The following PAPPA2 variants were observed in gnomAD, a reference collection of about 807,000 sequenced individuals.
PAPPA2 encodes pappalysin 2.
A neutral mutation model predicts 176.4 loss-of-function variants in PAPPA2; 86 were observed. The ratio of observed to expected loss-of-function variants is 0.49; its 90% confidence interval spans 0.41 to 0.58. PAPPA2 has a LOEUF of 0.58. PAPPA2 is among the 20% of genes least tolerant of loss of function. The probability of loss-of-function intolerance (pLI) is 0.00; values close to 1 mark genes in which losing one functional copy is unlikely to be tolerated. For missense variants in PAPPA2, 2,073 were observed against 2,256.9 expected (o/e 0.92, Z 1.65); for synonymous variants, 809 against 852.2 (o/e 0.95, Z 0.88).
At chr1:176,525,377 G>GTGTGATACATTAGGATATAA (rs1230137201) in intron 1 of PAPPA2, among the ~76,000 whole-genome samples, 1 of 152,150 alleles carries the variant, frequency 6.6e-6, no homozygotes, top group Admixed American at 6.5e-5. Context: ...ACTTCAGAAG[G>GTGTGATACATTAGGATATAA]TGTGATACAT....
intron 14 of PAPPA2, 127 bp downstream of exon 14, chr1:176,740,323 T>A: frequency 1.1e-6 from 1 of 947,714 alleles, no homozygotes; most frequent in Non-Finnish European, 1.5e-6. Flanking sequence ...TAGGAACTAC[T>A]AAAAAGACAT....
intron 14 of PAPPA2, among the ~76,000 whole-genome samples, chr1:176,751,125 A>G (rs1571270902): frequency 6.6e-6 from 1 of 151,700 alleles, no homozygotes; most frequent in Non-Finnish European, 1.5e-5. Context: ...TGTTTTTCTC[A>G]GGTTTGTCAA....
intron 21 of PAPPA2, among the ~76,000 whole-genome samples, chr1:176,810,188 CAGGAA>C (rs1666088120): frequency 6.6e-6 from 1 of 152,096 alleles, no homozygotes; most frequent in South Asian, 2.1e-4. Context: ...TTTAGGAAAA[CAGGAA>C]AGGGATTTTC....
chr1:176,575,838 A>G (rs962348865), intron 2 of PAPPA2, among the ~76,000 whole-genome samples: 5 of 152,232 alleles, frequency 3.3e-5, no homozygotes, highest in African/African-American at 1.2e-4. Context: ...ATCTGTACTT[A>G]GGAAATTAAC....
intron 1 of PAPPA2, among the ~76,000 whole-genome samples, chr1:176,466,857 G>T (rs1651645733): frequency 6.6e-6 from 1 of 152,128 alleles, no homozygotes; most frequent in Non-Finnish European, 1.5e-5. Context: ...AGAGCCAAGG[G>T]CAACTTCCCT....
At chr1:176,652,270 A>G (rs958391555) in intron 3 of PAPPA2, among the ~76,000 whole-genome samples, 3 of 151,654 alleles carry the variant, frequency 2.0e-5, no homozygotes, top group Admixed American at 6.6e-5. Flanking sequence ...ATTTACTTCA[A>G]TCTTCTCTTT....
At chr1:176,638,991 A>G (rs1206500955) in intron 3 of PAPPA2, among the ~76,000 whole-genome samples, 1 of 150,178 alleles carries the variant, frequency 6.7e-6, no homozygotes, top group Admixed American at 6.7e-5. Context: ...TAGGGGAGGC[A>G]AGTGGAGAAT....
At chr1:176,472,029 A>G (rs1169086061) in intron 1 of PAPPA2, among the ~76,000 whole-genome samples, 1 of 152,190 alleles carries the variant, frequency 6.6e-6, no homozygotes, top group African/African-American at 2.4e-5. Context: ...GCAGATATTG[A>G]TTGCTCAATG....
chr1:176,477,411 C>T (rs1386835248), intron 1 of PAPPA2, among the ~76,000 whole-genome samples: 2 of 152,176 alleles, frequency 1.3e-5, no homozygotes, highest in Non-Finnish European at 2.9e-5. Flanking sequence ...ACTCTAAATA[C>T]ATGTGATATA....
At chr1:176,575,118 G>C (rs1314917630) in intron 2 of PAPPA2, among the ~76,000 whole-genome samples, 1 of 152,172 alleles carries the variant, frequency 6.6e-6, no homozygotes, top group Non-Finnish European at 1.5e-5. Context: ...GGCCAAGGAA[G>C]CTTCCTTAGG....
At chr1:176,776,584 G>A (rs1283561073) in intron 17 of PAPPA2, among the ~76,000 whole-genome samples, 1 of 152,084 alleles carries the variant, frequency 6.6e-6, no homozygotes, top group Admixed American at 6.6e-5. Context: ...ACCTAAATTG[G>A]GGGAGAGCCT....
chr1:176,828,217 A>AT (rs1199877638), intron 21 of PAPPA2, among the ~76,000 whole-genome samples: 2 of 151,820 alleles, frequency 1.3e-5, no homozygotes, highest in Non-Finnish European at 2.9e-5. Flanking sequence ...GCCAGTTTTT[A>AT]TTTTTTTTCA....
chr1:176,790,524 T>G (rs1665128514), intron 18 of PAPPA2, among the ~76,000 whole-genome samples: 1 of 152,186 alleles, frequency 6.6e-6, no homozygotes, highest in Non-Finnish European at 1.5e-5. Flanking sequence ...GCAGACTTCC[T>G]AGGCAAAGGT....
chr1:176,569,682 G>A (rs1652204980), intron 2 of PAPPA2, among the ~76,000 whole-genome samples: 2 of 152,174 alleles, frequency 1.3e-5, no homozygotes, highest in African/African-American at 4.8e-5. Context: ...AGCTGTCTGG[G>A]GTCAGAGGCT....
At chr1:176,584,086 C>T (rs1653144981) in intron 2 of PAPPA2, among the ~76,000 whole-genome samples, 1 of 152,110 alleles carries the variant, frequency 6.6e-6, no homozygotes. Flanking sequence ...TAATGTTTTG[C>T]CAATACTGGA....
chr1:176,667,060 A>G (rs1367399245), intron 3 of PAPPA2, among the ~76,000 whole-genome samples: 1 of 152,142 alleles, frequency 6.6e-6, no homozygotes, highest in Non-Finnish European at 1.5e-5. Context: ...AGCCTGACCA[A>G]CATGGAGAAA....
At chr1:176,726,901 CCTT>C (rs1431284197) in intron 12 of PAPPA2, among the ~76,000 whole-genome samples, 2 of 152,152 alleles carry the variant, frequency 1.3e-5, no homozygotes, top group Admixed American at 6.5e-5. Context: ...TCAGCTGACT[CCTT>C]CTGTGGAGAA....
At chr1:176,749,319 A>T (rs1018068328) in intron 14 of PAPPA2, among the ~76,000 whole-genome samples, 2 of 152,160 alleles carry the variant, frequency 1.3e-5, no homozygotes, top group Non-Finnish European at 2.9e-5. Context: ...TTCACAGAAA[A>T]ATTGAAAGGA....
chr1:176,659,073 C>T (rs79774909), intron 3 of PAPPA2, among the ~76,000 whole-genome samples: 2 of 151,930 alleles, frequency 1.3e-5, no homozygotes, highest in Non-Finnish European at 2.9e-5. Context: ...ATTTTTATAG[C>T]ATGAATAAAA....
Sources: gnomAD v4.1 joint callset for allele counts (sites outside exome capture counted in the v4.1 genomes callset) on GRCh38, gnomAD v4.1.1 for gene constraint, MANE v1.5 for transcripts, NCBI Gene and HGNC (gene_info 2026-07-23, HGNC 2026-07-21) for gene names.